The following CARM1 variants were observed in gnomAD, a reference collection of about 807,000 sequenced individuals.
The protein encoded by CARM1 is histone-arginine methyltransferase CARM1.
CARM1 carries 14 observed loss-of-function variants against 72.7 expected under a neutral mutation model. The ratio of observed to expected loss-of-function variants is 0.19; its 90% CI spans 0.13 to 0.30. The LOEUF is 0.30. CARM1 is among the 10% of genes least tolerant of loss of function. The pLI, the probability that CARM1 is intolerant of heterozygous loss-of-function variation, is 1.00. For synonymous variants in CARM1, 333 were observed against 345.5 expected, an observed-to-expected ratio of 0.96 and a Z score of 0.40; for missense variants, 432 against 833.7, an observed-to-expected ratio of 0.52 and a Z score of 5.93.
chr19:10,873,953 C>T (rs958762063), intron 1 of CARM1, among the ~76,000 whole-genome samples: 4 of 151,934 alleles, frequency 2.6e-5, no homozygotes, highest in Non-Finnish European at 5.9e-5. Flanking sequence ...CAATTTTAGT[C>T]TTATAGATGT....
Position 10,914,049 on chromosome 19 carries a change from C to T in CARM1, c.842C>T (p.Pro281Leu), listed in dbSNP as rs149669473. 6.2e-7 allele frequency: 1 copy of T among 1,611,698 alleles called. No individual in the cohort carries two copies. Among genetic ancestry groups the T allele is most frequent in the Non-Finnish European group, 8.5e-7 (1 of 1,179,194 alleles). Reference sequence around the variant, plus strand: ...CTCCACGCCAAGAAGTACCTGAAGCCCAGCGGTGAGCACTGGGGGGTACAC... The same window carrying T: ...CTCCACGCCAAGAAGTACCTGAAGCTCAGCGGTGAGCACTGGGGGGTACAC... Reference protein sequence around the residue: ...SYLHAKKYLKPSGNMFPTIGD... With the variant: ...SYLHAKKYLKLSGNMFPTIGD... The change falls in exon 6 of 16, where the codon CCC becomes CTC. Residue 281 changes from proline to leucine, a missense_variant. Pro to Leu is a moderately conservative substitution (Grantham distance 98, BLOSUM62 -3). This residue lies in a region of CARM1 where 152 missense variants were observed against 452.8 expected (regional missense o/e 0.34). Coordinates refer to ENST00000327064, the MANE Select transcript of CARM1 (RefSeq NM_199141.2).
At position 10,915,475 on chromosome 19, in the gene CARM1, C is replaced by A. The variant is rs1302066830; in HGVS notation, c.848-932C>A. Among the ~76,000 whole-genome samples, 1 of 152,130 alleles carries A rather than the reference C, an allele frequency of 6.6e-6. No individual in the cohort carries two copies. Among genetic ancestry groups the A allele is most frequent in the African/African-American group, 2.4e-5 (1 of 41,428 alleles). ...TCCAGGGGTTAAAGGCAGCCCTCCC[C>A]TCTCCCAGTCACATGTCTTCTGGTC... is the stretch of plus-strand genomic sequence containing the variant. On this transcript the variant is annotated intron_variant, in intron 6 of 15. Coordinates refer to ENST00000327064, the MANE Select transcript of CARM1 (RefSeq NM_199141.2). This position sits in a 1 kb window ranked among gnomAD's most constrained non-coding sequence, Gnocchi z 4.6.
chr19:10,905,278 C>T lies in CARM1; in HGVS notation c.346+202C>T, dbSNP rs745688549. On this transcript the variant is annotated intron_variant, in intron 2 of 15. Transcript: ENST00000327064. ...CCCTGGATCCCAGACCCTCCCTCAC[C>T]GGCTCCTCCGGGTCTTTTGGGGCTT... Among the ~76,000 whole-genome samples the T allele has an allele frequency of 2.9e-4, 44 of 152,356 alleles. 1 individual carries two copies. The highest frequency in any genetic ancestry group is 3.4e-3 in the Middle Eastern group (1 of 294).
rs116209279 is a variant in CARM1, at chr19:10,920,258, T to A, written c.1197-178T>A. Among the ~76,000 whole-genome samples, 1 of 152,064 alleles carries A rather than the reference T, an allele frequency of 6.6e-6. No individual in the cohort carries two copies. Among genetic ancestry groups the A allele is most frequent in the Non-Finnish European group, 1.5e-5 (1 of 67,996 alleles). ...TGGTTGCGGGCCCCTCGTGTGTACA[T>A]GTATGCCTGCTCATGTTTGTGTCTG... On this transcript the variant is annotated intron_variant, in intron 10 of 15. Transcript: ENST00000327064. The surrounding 1 kb of genome is among the most constrained non-coding windows in gnomAD (Gnocchi z 5.3).
intron 1 of CARM1, among the ~76,000 whole-genome samples, chr19:10,898,287 A>G (rs910872057): frequency 6.6e-6 from 1 of 151,968 alleles, no homozygotes; most frequent in African/African-American, 2.4e-5. Flanking sequence ...AGTCTAGGCG[A>G]CAGAGTGAGA....
intron 1 of CARM1, among the ~76,000 whole-genome samples, chr19:10,886,412 T>C (rs1259785704): frequency 1.3e-5 from 2 of 151,860 alleles, no homozygotes; most frequent in African/African-American, 4.8e-5. Flanking sequence ...CCTAGGATGC[T>C]CTCCAACTCC....
intron 1 of CARM1, among the ~76,000 whole-genome samples, chr19:10,872,331 A>G (rs2073825391): frequency 6.8e-6 from 1 of 146,074 alleles, no homozygotes; most frequent in Non-Finnish European, 1.5e-5. Context: ...CCGCCTCTGC[A>G]GGGAGGAGGG....
intron 8 of CARM1, among the ~76,000 whole-genome samples, chr19:10,918,474 C>A (rs148716593): frequency 6.6e-6 from 1 of 152,296 alleles, no homozygotes; most frequent in Non-Finnish European, 1.5e-5. Context: ...CCGTCCGCCT[C>A]GGCCTCCCAA....
In CARM1 at chr19:10,920,785, C is replaced by CG; in HGVS notation, c.1424+39dup. On this transcript the variant is annotated intron_variant, in intron 12 of 15. Transcript: ENST00000327064. The surrounding 1 kb of genome is among the most constrained non-coding windows in gnomAD (Gnocchi z 5.3). ...CCCTTGCCTGCACAGGGGGGCGCCC[C>CG]GGCCCTGCAACCCCCTTGCCCCTGC... 6.2e-7 allele frequency: 1 copy of CG among 1,613,160 alleles called. No homozygotes were observed. Among genetic ancestry groups the CG allele is most frequent in the South Asian group, 1.1e-5 (1 of 91,058 alleles).
At chr19:10,908,958 C>T (rs1209092043) in intron 3 of CARM1, 145 bp from the exon 4 acceptor site, 7 of 567,898 alleles carry the variant, frequency 1.2e-5, no homozygotes, top group African/African-American at 1.1e-4. Flanking sequence ...CCTGGAGCTG[C>T]TAGTGGGGCC....
Position 10,890,672 on chromosome 19 carries a change from C to T in CARM1, c.221-14279C>T, listed in dbSNP as rs546180356. 1.1e-4 allele frequency among the ~76,000 whole-genome samples: 16 copies of T among 147,530 alleles called. No homozygotes were observed. In the South Asian group the frequency reaches 2.8e-3, roughly 26 times the overall value. ...ATGTATATACGTATATATGTGTATA[C>T]GTATATACATATATACACACATATA... On this transcript the variant is annotated intron_variant, in intron 1 of 15. Transcript: ENST00000327064.
chr19:10,898,887 G>A (rs2074043064), intron 1 of CARM1, among the ~76,000 whole-genome samples: 1 of 152,202 alleles, frequency 6.6e-6, no homozygotes, highest in South Asian at 2.1e-4. Context: ...CATGTGCAGA[G>A]GCCTGGGGCC....
chr19:10,898,600 G>T (rs2074040965), intron 1 of CARM1, among the ~76,000 whole-genome samples: 1 of 152,242 alleles, frequency 6.6e-6, no homozygotes, highest in African/African-American at 2.4e-5. Flanking sequence ...GCCGCTTTGG[G>T]AGGTGGTTGC....
chr19:10,919,174 G>T (rs2074221024), intron 8 of CARM1: 2 of 158,602 alleles, frequency 1.3e-5, no homozygotes. Flanking sequence ...CTTGCTTAAT[G>T]ATTTAGCTTG....
intron 1 of CARM1, among the ~76,000 whole-genome samples, chr19:10,894,511 G>A (rs1035057025): frequency 7.2e-5 from 11 of 152,072 alleles, no homozygotes; most frequent in Admixed American, 3.3e-4. Flanking sequence ...AGCAGGAGGC[G>A]ATTTAATACA....
intron 1 of CARM1, among the ~76,000 whole-genome samples, chr19:10,894,411 G>T (rs575282932): frequency 1.3e-5 from 2 of 152,146 alleles, no homozygotes; most frequent in Non-Finnish European, 2.9e-5. Flanking sequence ...GCCACGGGGG[G>T]TCGGGGTGTC....
chr19:10,879,335 G>C (rs1216813052), intron 1 of CARM1, among the ~76,000 whole-genome samples: 2 of 152,224 alleles, frequency 1.3e-5, no homozygotes, highest in African/African-American at 4.8e-5. Context: ...CCAGCTGCAA[G>C]GGATGCTGGG....
At chr19:10,904,109 T>G (rs989255929) in intron 1 of CARM1, among the ~76,000 whole-genome samples, 2 of 152,232 alleles carry the variant, frequency 1.3e-5, no homozygotes, top group Non-Finnish European at 2.9e-5. Context: ...CACTCTGGAA[T>G]AGCTCCCACC....
intron 4 of CARM1, among the ~76,000 whole-genome samples, chr19:10,910,710 C>T (rs1310375151): frequency 3.3e-5 from 5 of 151,220 alleles, no homozygotes; most frequent in Admixed American, 2.0e-4. Context: ...GGACTACAGG[C>T]GCACACCACC....
Sources: gnomAD v4.1 joint callset for allele counts (sites outside exome capture counted in the v4.1 genomes callset) on GRCh38, gnomAD v4.1.1 for gene constraint, gnomAD v4.1.1 regional missense constraint, Gnocchi (gnomAD v3.1) non-coding constraint, MANE v1.5 for transcripts, NCBI Gene and HGNC (gene_info 2026-07-23, HGNC 2026-07-21) for gene names.